Variants in LY9 observed in about 807,000 individuals in gnomAD.
LY9 encodes lymphocyte antigen 9, also known as T-lymphocyte surface antigen Ly-9.
LY9 carries 59 observed loss-of-function variants against 64.6 expected under a neutral mutation model. That is an observed-to-expected ratio of 0.91 (90% CI 0.74 to 1.13). The LOEUF (loss-of-function observed/expected upper bound fraction) is 1.13. LY9 is among the 50% of genes most tolerant of loss of function. The probability of loss-of-function intolerance (pLI) is 0.00; values close to 1 mark genes in which losing one functional copy is unlikely to be tolerated. For missense variants in LY9, 789 were observed against 797.2 expected (o/e 0.99, Z 0.12); for synonymous variants, 281 against 308.5 (o/e 0.91, Z 0.93).
At chr1:160,813,999 C>T (rs1360009849) in intron 3 of LY9, 88 bp downstream of exon 3, 4 of 1,394,876 alleles carry the variant, frequency 2.9e-6, no homozygotes, top group Admixed American at 4.2e-5. Context: ...TGGTCAGACA[C>T]ACAGGGGGTG....
At chr1:160,816,884 A>T in intron 5 of LY9, 21 bp downstream of exon 5, 1 of 1,613,434 alleles carries the variant, frequency 6.2e-7, no homozygotes, top group South Asian at 1.1e-5. Flanking sequence ...ATCTCTATTT[A>T]CTCAGGTCAC....
In LY9 at chr1:160,799,787, A is replaced by G; in HGVS notation, c.159A>G (p.Thr53=). The G allele has an allele frequency of 6.2e-7, 1 of 1,613,876 alleles. No individual in the cohort carries two copies. Among genetic ancestry groups the G allele is most frequent in the Non-Finnish European group, 8.5e-7 (1 of 1,179,872 alleles). Residue 53 remains threonine, a synonymous_variant, in exon 2 of 10, where the codon ACA becomes ACG. Coordinates refer to ENST00000263285, the MANE Select transcript of LY9 (RefSeq NM_002348.4). ...CCTCTGGAAAGGACTCAGCCCCAAC[A>G]GTGGTGTCAGGGATCCTAGGGGGTT... The part of the protein sequence containing the change: ...LRASGKDSAP[T]VVSGILGGSV...
chr1:160,826,649 G>C (rs1402978611), intron 9 of LY9, among the ~76,000 whole-genome samples: 1 of 152,212 alleles, frequency 6.6e-6, no homozygotes, highest in Non-Finnish European at 1.5e-5. Context: ...GTGGTAAAGA[G>C]GAAACACATC....
chr1:160,826,272 G>A (rs1668847657), intron 9 of LY9, among the ~76,000 whole-genome samples: 1 of 152,134 alleles, frequency 6.6e-6, no homozygotes, highest in South Asian at 2.1e-4. Flanking sequence ...GAAGAGGAAG[G>A]GTTGGTCTTG....
intron 2 of LY9, among the ~76,000 whole-genome samples, chr1:160,800,514 G>A (rs1397518487): frequency 6.6e-6 from 1 of 152,136 alleles, no homozygotes; most frequent in Admixed American, 6.5e-5. Flanking sequence ...CCACATTGCT[G>A]CAAAAGACAT....
chr1:160,823,550 G>A lies in LY9; in HGVS notation c.1584G>A (p.Gln528=), dbSNP rs371823044. The A allele has an allele frequency of 2.4e-5, 38 of 1,614,068 alleles. No individual in the cohort carries two copies. The African/African-American group carries it at 5.1e-4, about 22-fold the overall frequency. ...CTCCCCTCAGGCCTGCCAGGCAACAGCCTACACCCACCTCAGACAGCAGCT... is the reference window on the plus strand; with the variant it reads ...CTCCCCTCAGGCCTGCCAGGCAACAACCTACACCCACCTCAGACAGCAGCT... ...LDTPLRPARQ[Q]PTPTSDSSSD... is the part of the protein sequence containing the mutation. The change falls in exon 8 of 10, where the codon CAG becomes CAA. Residue 528 remains glutamine, a synonymous_variant. Transcript: ENST00000263285.
intron 2 of LY9, among the ~76,000 whole-genome samples, chr1:160,804,625 C>T (rs1666804632): frequency 1.3e-5 from 2 of 151,962 alleles, no homozygotes; most frequent in South Asian, 2.1e-4. Context: ...GAAAATTCCC[C>T]CCACTTTGAT....
intron 2 of LY9, among the ~76,000 whole-genome samples, chr1:160,800,554 T>C (rs1471916669): frequency 6.6e-6 from 1 of 152,146 alleles, no homozygotes; most frequent in Non-Finnish European, 1.5e-5. Flanking sequence ...GATTTTTAAA[T>C]TGTTTAAATA....
At chr1:160,805,773 A>G (rs991643936) in intron 2 of LY9, among the ~76,000 whole-genome samples, 2 of 144,048 alleles carry the variant, frequency 1.4e-5, no homozygotes, top group African/African-American at 5.4e-5. Context: ...ACACACACAC[A>G]CACACACACT....
At chr1:160,817,227 C>T (rs2101811101) in intron 5 of LY9, among the ~76,000 whole-genome samples, 1 of 152,264 alleles carries the variant, frequency 6.6e-6, no homozygotes, top group Non-Finnish European at 1.5e-5. Context: ...GATTCCGATG[C>T]TAAATTTTCA....
chr1:160,817,216 C>T (rs1314579743), intron 5 of LY9, among the ~76,000 whole-genome samples: 2 of 152,174 alleles, frequency 1.3e-5, no homozygotes, highest in Admixed American at 6.5e-5. Flanking sequence ...GAGCACGTCT[C>T]GATTCCGATG....
Position 160,816,801 on chromosome 1 carries a change from G to A in LY9, c.1280G>A (p.Cys427Tyr). The A allele has an allele frequency of 1.2e-6, 2 of 1,614,214 alleles. No homozygotes were observed. The highest frequency in any genetic ancestry group is 1.7e-6 in the Non-Finnish European group (2 of 1,180,036). ...RSSENHPNLTCTASNPVSRSS... is the reference protein window; with the variant it reads ...RSSENHPNLTYTASNPVSRSS... ...AGTGAAAATCACCCCAACCTCACAT[G>A]CACAGCCAGCAACCCTGTCAGCAGG... is the stretch of plus-strand genomic sequence containing the variant. The change falls in exon 5 of 10, where the codon TGC (cysteine) becomes TAC (tyrosine). Residue 427 changes from cysteine (C) to tyrosine (Y), a missense_variant. Cys to Tyr is a radical substitution (Grantham distance 194). Transcript: ENST00000263285.
intron 2 of LY9, among the ~76,000 whole-genome samples, chr1:160,805,919 CTTTT>C (rs60244350): frequency 3.2e-4 from 23 of 72,462 alleles, no homozygotes; most frequent in Admixed American, 1.1e-3. Context: ...CATTCTTTGT[CTTTT>C]TTTTTTTTTT....
At chr1:160,797,397 T>G in intron 1 of LY9, 1 of 478,862 alleles carries the variant, frequency 2.1e-6, no homozygotes, top group Non-Finnish European at 2.7e-6. Context: ...TGAGGTCCAG[T>G]CTGACCTCTT....
chr1:160,803,026 A>T (rs570175845), intron 2 of LY9, among the ~76,000 whole-genome samples: 3 of 152,208 alleles, frequency 2.0e-5, no homozygotes, highest in Admixed American at 2.0e-4. Flanking sequence ...TCATGCCCGT[A>T]ATCCCAACAC....
intron 9 of LY9, among the ~76,000 whole-genome samples, chr1:160,825,543 G>A (rs564910927): frequency 3.9e-5 from 6 of 152,138 alleles, no homozygotes; most frequent in South Asian, 2.1e-4. Context: ...TGAAAACATC[G>A]TGTCCATTCA....
chr1:160,823,521 G>A lies in LY9; in HGVS notation c.1555G>A (p.Asp519Asn). ...SVLSQGYEKL[D>N]TPLRPARQQP... Reference sequence around the variant, plus strand: ...GCTCTCCCAAGGATATGAGAAGCTGGACACTCCCCTCAGGCCTGCCAGGCA... The same window carrying A: ...GCTCTCCCAAGGATATGAGAAGCTGAACACTCCCCTCAGGCCTGCCAGGCA... Residue 519 changes from aspartate to asparagine, a missense_variant, in exon 8 of 10, where the codon GAC becomes AAC. Coordinates refer to ENST00000263285, the MANE Select transcript of LY9 (RefSeq NM_002348.4). The A allele has an allele frequency of 6.2e-7, 1 of 1,614,144 alleles. No individual in the cohort carries two copies. The highest frequency in any genetic ancestry group is 2.2e-5 in the East Asian group (1 of 44,878).
intron 2 of LY9, among the ~76,000 whole-genome samples, chr1:160,805,919 CTTTTTTTT>C (rs60244350): frequency 2.8e-5 from 2 of 72,460 alleles, no homozygotes; most frequent in African/African-American, 1.1e-4. Flanking sequence ...CATTCTTTGT[CTTTTTTTT>C]TTTTTTTTTT....
intron 2 of LY9, 182 bp from the exon 3 acceptor site, chr1:160,813,454 G>A (rs545976159): frequency 2.6e-5 from 16 of 606,872 alleles, no homozygotes; most frequent in African/African-American, 7.4e-5. Context: ...CACCTGTAGC[G>A]GATGTTATGG....
Sources: gnomAD v4.1 joint callset for allele counts (sites outside exome capture counted in the v4.1 genomes callset) on GRCh38, gnomAD v4.1.1 for gene constraint, MANE v1.5 for transcripts, NCBI Gene and HGNC (gene_info 2026-07-23, HGNC 2026-07-21) for gene names.